CDH12: variants seen among roughly 807,000 people sequenced by gnomAD.
The protein encoded by CDH12 is cadherin-12.
CDH12 carries 41 observed loss-of-function variants against 74.1 expected under a neutral mutation model. The observed-to-expected ratio is 0.55, with a 90% CI of 0.43 to 0.72. CDH12 has a LOEUF of 0.72. Among genes scored for constraint, CDH12 ranks in the 30% least tolerant of loss-of-function variants. The pLI is 0.00. For synonymous variants in CDH12, 399 were observed against 355.0 expected (o/e 1.12, Z -1.39); for missense variants, 945 against 977.2 (o/e 0.97, Z 0.44).
chr5:21,768,736 T>A (rs1183638840), intron 11 of CDH12, among the ~76,000 whole-genome samples: 1 of 152,072 alleles, frequency 6.6e-6, no homozygotes, highest in African/African-American at 2.4e-5. Flanking sequence ...TAATATCATT[T>A]TCTTACAGTC....
At chr5:22,640,769 A>G (rs1739105573) in intron 1 of CDH12, among the ~76,000 whole-genome samples, 1 of 152,224 alleles carries the variant, frequency 6.6e-6, no homozygotes, top group East Asian at 1.9e-4. Context: ...ATCACTTTCC[A>G]ATGTATATCA....
intron 1 of CDH12, among the ~76,000 whole-genome samples, chr5:22,680,942 A>G (rs1300044443): frequency 6.6e-6 from 1 of 152,108 alleles, no homozygotes; most frequent in Non-Finnish European, 1.5e-5. Context: ...TTTAGGAAGC[A>G]TGACTACTTC....
At chr5:22,376,683 A>ATTTTTT (rs34256665) in intron 3 of CDH12, among the ~76,000 whole-genome samples, 1 of 117,226 alleles carries the variant, frequency 8.5e-6, no homozygotes, top group African/African-American at 3.3e-5. Context: ...TGGTTGACTA[A>ATTTTTT]TTTTTTTTTT....
At chr5:22,526,825 G>A (rs979432134) in intron 1 of CDH12, among the ~76,000 whole-genome samples, 18 of 152,072 alleles carry the variant, frequency 1.2e-4, no homozygotes, top group African/African-American at 4.3e-4. Flanking sequence ...GCTTCCAATT[G>A]GCCTTTTATA....
intron 7 of CDH12, among the ~76,000 whole-genome samples, chr5:21,845,106 G>A (rs6868450): frequency 0.012 from 1,809 of 152,090 alleles, 61 homozygotes; most frequent in Admixed American, 0.07. Context: ...TATGAATAAC[G>A]GAAAGCTTGA....
intron 2 of CDH12, among the ~76,000 whole-genome samples, chr5:22,431,736 T>C (rs1744182298): frequency 6.6e-6 from 1 of 152,190 alleles, no homozygotes; most frequent in Admixed American, 6.5e-5. Flanking sequence ...GTGTGTGTGT[T>C]TGTGTCTTTA....
In CDH12 at chr5:21,751,609, AGTGTGTGTGTGTGTGTGTGTGTTTGTGT is replaced by A. The variant is rs1415766025; in HGVS notation, c.*100_*127del. 1.4e-5 allele frequency: 8 copies of A among 556,122 alleles called. No individual in the cohort carries two copies. Among genetic ancestry groups the A allele is most frequent in the African/African-American group, 2.5e-5 (1 of 39,852 alleles). 34.4% of individuals were successfully genotyped at this position (556,122 alleles called of 1,614,324 possible). The stretch of plus-strand genomic sequence containing the variant: ...GGTAATCAAAGGAATCTTGTCCCAG[AGTGTGTGTGTGTGTGTGTGTGTTTGTGT>A]GTGTGTGTGTGTGTGAGAGAGATTT... On this transcript the variant is annotated 3_prime_UTR_variant, in exon 15 of 15. Transcript: ENST00000382254.
intron 4 of CDH12, among the ~76,000 whole-genome samples, chr5:22,209,377 T>G (rs1289132640): frequency 6.6e-6 from 1 of 152,236 alleles, no homozygotes; most frequent in East Asian, 1.9e-4. Context: ...TGAAGTCTAC[T>G]TCCAACATTC....
At chr5:22,143,732 T>C (rs1304115071) in intron 4 of CDH12, 1 of 152,126 alleles carries the variant, frequency 6.6e-6, no homozygotes, top group Non-Finnish European at 1.5e-5. Context: ...ATAACTTAGA[T>C]TCAAATTTAT....
At chr5:21,933,787 A>G (rs1754951424) in intron 6 of CDH12, among the ~76,000 whole-genome samples, 1 of 152,206 alleles carries the variant, frequency 6.6e-6, no homozygotes, top group Admixed American at 6.5e-5. Flanking sequence ...ATATATGGCA[A>G]CTGTGGAAAA....
intron 1 of CDH12, among the ~76,000 whole-genome samples, chr5:22,586,134 T>C (rs1005290882): frequency 3.2e-4 from 49 of 152,136 alleles, no homozygotes; most frequent in Non-Finnish European, 6.3e-4. Flanking sequence ...ATGTGGCACA[T>C]ATATACCATG....
rs1430924109 is a variant in CDH12, at chr5:22,654,416, A to G, written c.-522-149052T>C. Among the ~76,000 whole-genome samples, 4 of 151,734 alleles carry G rather than the reference A, an allele frequency of 2.6e-5. No individual in the cohort carries two copies. The East Asian group carries it at 5.9e-4, about 22-fold the overall frequency. ...GCGATTCTCCTGCCTCAGCCTCCCA[A>G]GTAGCTGGGATTACAGGCACCTGCC... On this transcript the variant is annotated intron_variant, in intron 1 of 14. Transcript: ENST00000382254.
chr5:22,608,511 G>T (rs987953025), intron 1 of CDH12, among the ~76,000 whole-genome samples: 1 of 152,166 alleles, frequency 6.6e-6, no homozygotes, highest in Non-Finnish European at 1.5e-5. Context: ...TAAGCTATTG[G>T]CCTTGGACTT....
At chr5:22,161,013 A>T (rs1748313439) in intron 4 of CDH12, among the ~76,000 whole-genome samples, 1 of 152,156 alleles carries the variant, frequency 6.6e-6, no homozygotes, top group Admixed American at 6.5e-5. Flanking sequence ...CCTGGCCCTC[A>T]TTTAACACTC....
At chr5:21,979,537 G>C (rs1757216492) in intron 5 of CDH12, among the ~76,000 whole-genome samples, 1 of 152,110 alleles carries the variant, frequency 6.6e-6, no homozygotes, top group Non-Finnish European at 1.5e-5. Flanking sequence ...ATGTTTACTA[G>C]CATCTCTCTG....
chr5:22,718,852 A>G (rs897115795), intron 1 of CDH12, among the ~76,000 whole-genome samples: 1 of 152,180 alleles, frequency 6.6e-6, no homozygotes, highest in Admixed American at 6.5e-5. Flanking sequence ...TGCTAAACCC[A>G]TCTGTGACTC....
chr5:22,244,650 A>G (rs1752863378), intron 3 of CDH12, among the ~76,000 whole-genome samples: 1 of 147,412 alleles, frequency 6.8e-6, no homozygotes, highest in African/African-American at 2.5e-5. Flanking sequence ...GAGGGGAGAG[A>G]GAAAGAGAGA....
intron 1 of CDH12, among the ~76,000 whole-genome samples, chr5:22,744,107 C>G (rs1298922816): frequency 6.6e-6 from 1 of 152,004 alleles, no homozygotes; most frequent in Non-Finnish European, 1.5e-5. Context: ...ATGATCAAAC[C>G]CAAGACAAGC....
At chr5:22,026,342 T>A (rs1021979279) in intron 5 of CDH12, among the ~76,000 whole-genome samples, 7 of 152,094 alleles carry the variant, frequency 4.6e-5, no homozygotes, top group African/African-American at 1.7e-4. Flanking sequence ...CAGATGAGAA[T>A]GTAACAAAAA....
Sources: allele counts gnomAD v4.1 joint callset (sites outside exome capture counted in the v4.1 genomes callset), GRCh38; gene constraint gnomAD v4.1.1; transcripts MANE v1.5; gene names NCBI Gene and HGNC (gene_info 2026-07-23, HGNC 2026-07-21).